XRN2: variants seen among roughly 807,000 people sequenced by gnomAD.
XRN2 encodes DHM1-like protein.
A neutral mutation model predicts 138.5 loss-of-function variants in XRN2; 44 were observed. That is an observed-to-expected ratio of 0.32 (90% CI 0.25 to 0.41). The LOEUF (loss-of-function observed/expected upper bound fraction) is 0.41. Ranked by LOEUF, XRN2 falls within the 10% of genes least tolerant of loss-of-function variation. XRN2 has a pLI of 1.00. For missense variants in XRN2, 937 were observed against 1,169.3 expected, an observed-to-expected ratio of 0.80 and a Z score of 2.90; for synonymous variants, 354 against 369.4, an observed-to-expected ratio of 0.96 and a Z score of 0.48.
rs918029232 is a variant in XRN2 at position 21,331,582 on chromosome 20, G to T, written c.598G>T (p.Ala200Ser). 20 of 1,612,206 alleles carry T rather than the reference G, an allele frequency of 1.2e-5. No individual in the cohort carries two copies. The highest frequency in any genetic ancestry group is 1.5e-5 in the Non-Finnish European group (18 of 1,179,640). ...NLTVILSDAS[A>S]PGEGEHKIMD... ...ATAGGTTATTTTATCTGATGCTAGT[G>T]CTCCTGGTGAAGGAGAACATAAAAT... is the stretch of plus-strand genomic sequence containing the variant. Residue 200 changes from alanine to serine, a missense_variant, in exon 7 of 30, where the codon GCT (alanine) becomes TCT (serine). Transcript: ENST00000377191.
Position 21,326,371 on chromosome 20 carries a change from T to C in XRN2, c.168T>C (p.Asn56=). 1 of 1,613,944 alleles carries C rather than the reference T, an allele frequency of 6.2e-7. No individual in the cohort carries two copies. Among genetic ancestry groups the C allele is most frequent in the African/African-American group, 1.3e-5 (1 of 75,052 alleles). ...TTGATAATCTGTATTTGGATATGAA[T>C]GGAATCATCCATCCCTGTACTCATC... ...VEFDNLYLDM[N]GIIHPCTHPE... The change falls in exon 2 of 30, where the codon AAT becomes AAC. Residue 56 remains asparagine (N), a synonymous_variant. Transcript: ENST00000377191.
At chr20:21,309,947 A>G (rs145865500) in intron 1 of XRN2, among the ~76,000 whole-genome samples, 62 of 151,844 alleles carry the variant, frequency 4.1e-4, no homozygotes, top group African/African-American at 1.2e-3. Context: ...TCTGTTTTCT[A>G]TTTCTTTGAT....
chr20:21,333,520 T>C (rs2038243582), intron 9 of XRN2, 24 bp from the exon 10 acceptor site: 3 of 1,606,424 alleles, frequency 1.9e-6, no homozygotes, highest in Non-Finnish European at 2.6e-6. Context: ...TAGACTTGTT[T>C]CATCTTCATT....
At chr20:21,356,697 C>G (rs758455211) in intron 23 of XRN2, 32 bp downstream of exon 23, 1 of 1,573,758 alleles carries the variant, frequency 6.4e-7, no homozygotes, top group Admixed American at 1.8e-5. Context: ...ATTGAGGTGA[C>G]TGGAAGGAAG....
chr20:21,386,653 T>C (rs2122375629), intron 28 of XRN2, among the ~76,000 whole-genome samples: 1 of 152,348 alleles, frequency 6.6e-6, no homozygotes, highest in Middle Eastern at 3.4e-3. Context: ...CAGTTGAGTT[T>C]AAACATCCAT....
chr20:21,365,724 C>G lies in XRN2; in HGVS notation c.2456+20C>G. On this transcript the variant is annotated intron_variant, in intron 26 of 29. Transcript: ENST00000377191. The stretch of plus-strand genomic sequence containing the variant: ...TTTGGGGTGAGTTGTCAGTTTTTAG[C>G]CCTTGTATATTTTGCTTTTTCTGAA... 6.3e-7 allele frequency: 1 copy of G among 1,586,094 alleles called. No individual in the cohort carries two copies. Among genetic ancestry groups the G allele is most frequent in the Non-Finnish European group, 8.6e-7 (1 of 1,166,844 alleles).
intron 20 of XRN2, 135 bp from the exon 21 acceptor site, chr20:21,354,654 C>A: frequency 1.4e-6 from 1 of 728,282 alleles, no homozygotes; most frequent in Non-Finnish European, 2.3e-6. Context: ...CTTAATGAGA[C>A]AATAAGAGTT....
intron 1 of XRN2, among the ~76,000 whole-genome samples, chr20:21,323,512 A>G (rs1001656275): frequency 5.3e-5 from 8 of 152,158 alleles, no homozygotes; most frequent in African/African-American, 1.9e-4. Flanking sequence ...GCATTGGACA[A>G]GGTTCTTGAG....
intron 14 of XRN2, among the ~76,000 whole-genome samples, chr20:21,339,802 TTA>T (rs1207875611): frequency 2.0e-5 from 3 of 152,324 alleles, no homozygotes; most frequent in African/African-American, 7.2e-5. Flanking sequence ...GCATAATGCT[TTA>T]TAGTCATTTA....
At position 21,357,810 on chromosome 20, in the gene XRN2, C is replaced by A; in HGVS notation, c.2255+18C>A. On this transcript the variant is annotated intron_variant, in intron 24 of 29. Transcript: ENST00000377191. ...GTAGTCAGGTAAGTTTTCCAAAATT[C>A]ATGGCATTCACCCAGAACACAGCTC... 2 of 1,595,846 alleles carry A rather than the reference C, an allele frequency of 1.3e-6. No homozygotes were observed. Among genetic ancestry groups the A allele is most frequent in the Non-Finnish European group, 1.7e-6 (2 of 1,171,322 alleles).
At chr20:21,358,575 C>T (rs546276757) in intron 24 of XRN2, among the ~76,000 whole-genome samples, 1 of 152,108 alleles carries the variant, frequency 6.6e-6, no homozygotes, top group South Asian at 2.1e-4. Flanking sequence ...TTTTGTTTCT[C>T]TCCCCCTCAG....
At chr20:21,366,370 AC>A in intron 26 of XRN2, among the ~76,000 whole-genome samples, 1 of 149,948 alleles carries the variant, frequency 6.7e-6, no homozygotes, top group East Asian at 2.0e-4. Flanking sequence ...ACACAGTGAA[AC>A]CCCGTCTCTA....
In XRN2 at chr20:21,303,517, C is replaced by A. The variant is rs1355599335; in HGVS notation, c.75+44C>A. ...GCCGCCACACTCGAGCCCGGGCCCC[C>A]GGCACGTCTAGGCCGCGGCCCATGG... On this transcript the variant is annotated intron_variant, in intron 1 of 29. Coordinates refer to ENST00000377191, the MANE Select transcript of XRN2 (RefSeq NM_012255.5). 4 of 1,532,206 alleles carry A rather than the reference C, an allele frequency of 2.6e-6. No homozygotes were observed. In the South Asian group the frequency reaches 3.6e-5, roughly 14 times the overall value. 94.9% of individuals were successfully genotyped at this position (1,532,206 alleles called of 1,614,324 possible).
chr20:21,332,119 T>A (rs1568575434), intron 8 of XRN2, among the ~76,000 whole-genome samples, 164 bp from the exon 9 acceptor site: 1 of 152,216 alleles, frequency 6.6e-6, no homozygotes, highest in Non-Finnish European at 1.5e-5. Context: ...CTAGAGGACT[T>A]CCTGTTAACT....
chr20:21,317,412 G>C (rs914438274), intron 1 of XRN2, among the ~76,000 whole-genome samples: 19 of 152,030 alleles, frequency 1.2e-4, no homozygotes, highest in African/African-American at 4.3e-4. Flanking sequence ...TAATTGATTG[G>C]TTTTTGGATG....
Position 21,325,013 on chromosome 20 carries a change from A to C in XRN2, c.76-1266A>C, listed in dbSNP as rs2038104678. On this transcript the variant is annotated intron_variant, in intron 1 of 29. Transcript: ENST00000377191. ...TCCACCCTCACCTGAAGCAACCATT[A>C]ATCTACTTTTTATATTTGCAAACAT... 2.0e-5 allele frequency among the ~76,000 whole-genome samples: 3 copies of C among 152,156 alleles called. No individual in the cohort carries two copies. The South Asian group carries it at 6.2e-4, about 32-fold the overall frequency.
chr20:21,376,168 C>T (rs537466434), intron 27 of XRN2, among the ~76,000 whole-genome samples: 7 of 152,028 alleles, frequency 4.6e-5, no homozygotes, highest in South Asian at 4.2e-4. Flanking sequence ...AGTTCTTGGC[C>T]GGGTGCAGTG....
At position 21,328,604 on chromosome 20, in the gene XRN2, G is replaced by T; in HGVS notation, c.361G>T (p.Ala121Ser). The change falls in exon 4 of 30, where the codon GCA (alanine) becomes TCA (serine). Residue 121 changes from alanine to serine, a missense_variant. Physicochemically the swap from Ala to Ser is moderately conservative, Grantham distance 99. This residue lies in a region of XRN2 where 471 missense variants were observed against 581.2 expected (regional missense o/e 0.81). Transcript: ENST00000377191. ...CCAGCAGCGTTCAAGGAGGTTCAGG[G>T]CATCAAAAGAAGGAATGGAAGCAGC... ...MNQQRSRRFR[A>S]SKEGMEAAVE... 1 of 1,614,074 alleles carries T rather than the reference G, an allele frequency of 6.2e-7. No individual in the cohort carries two copies. The highest frequency in any genetic ancestry group is 8.5e-7 in the Non-Finnish European group (1 of 1,179,990).
chr20:21,376,437 T>G (rs2038823703), intron 27 of XRN2, among the ~76,000 whole-genome samples: 1 of 152,240 alleles, frequency 6.6e-6, no homozygotes, highest in African/African-American at 2.4e-5. Flanking sequence ...CAATTTCTGC[T>G]TTGGTCATAT....
Sources: gnomAD v4.1 joint callset for allele counts (sites outside exome capture counted in the v4.1 genomes callset) on GRCh38, gnomAD v4.1.1 for gene constraint, gnomAD v4.1.1 regional missense constraint, MANE v1.5 for transcripts, NCBI Gene and HGNC (gene_info 2026-07-23, HGNC 2026-07-21) for gene names.